The following WWC2 variants were observed in gnomAD, a reference collection of about 807,000 sequenced individuals.
The protein encoded by WWC2 is WW and C2 domain containing 2.
Under a neutral mutation model 138.5 loss-of-function variants are expected in WWC2, and 101 were observed. The observed-to-expected ratio is 0.73, with a 90% CI of 0.62 to 0.86. WWC2 has a LOEUF of 0.86. WWC2 is among the 40% of genes least tolerant of loss of function. The pLI is 0.00. For missense variants in WWC2, 1,420 were observed against 1,419.4 expected (o/e 1.00, Z -0.01); for synonymous variants, 558 against 538.4 (o/e 1.04, Z -0.50).
intron 1 of WWC2, among the ~76,000 whole-genome samples, chr4:183,192,460 T>C (rs975686131): frequency 1.3e-5 from 2 of 152,212 alleles, no homozygotes; most frequent in African/African-American, 4.8e-5. Flanking sequence ...TTTCGTGCTA[T>C]AGGAAGGTTG....
intron 1 of WWC2, among the ~76,000 whole-genome samples, chr4:183,138,872 G>A (rs760944698): frequency 3.3e-5 from 5 of 152,104 alleles, no homozygotes; most frequent in East Asian, 1.9e-4. Context: ...CTGGAAATAC[G>A]TATGTATTTT....
rs1161091291 is a variant in WWC2, at chr4:183,319,472, A to T, written c.*3743A>T. 6 of 1,351,050 alleles carry T rather than the reference A, an allele frequency of 4.4e-6. No homozygotes were observed. In the East Asian group the frequency reaches 1.2e-4, roughly 26 times the overall value. The allele number at this position is 1,351,050 out of a possible 1,614,324, so 83.7% of individuals were successfully genotyped here. ...ATGCATTTTCAAAAATCAAAAGCAC[A>T]GTGAGATGACTAGAGCGGGACATCC... On this transcript the variant is annotated 3_prime_UTR_variant, in exon 23 of 23. Transcript: ENST00000403733.
At chr4:183,109,666 C>T (rs1197455966) in intron 1 of WWC2, among the ~76,000 whole-genome samples, 2 of 152,182 alleles carry the variant, frequency 1.3e-5, no homozygotes, top group Non-Finnish European at 2.9e-5. Flanking sequence ...CATGCTTGCT[C>T]GCACCACACA....
intron 1 of WWC2, among the ~76,000 whole-genome samples, chr4:183,131,693 T>A (rs1732929962): frequency 6.6e-6 from 1 of 152,236 alleles, no homozygotes; most frequent in South Asian, 2.1e-4. Flanking sequence ...GTTAGTATAG[T>A]CAGATTTGTC....
intron 21 of WWC2, 108 bp downstream of exon 21, chr4:183,289,743 A>C (rs1028831975): frequency 7.0e-7 from 1 of 1,425,400 alleles, no homozygotes; most frequent in Non-Finnish European, 9.4e-7. Context: ...AAGTCTTTAG[A>C]TGTTTTACTA....
intron 21 of WWC2, among the ~76,000 whole-genome samples, chr4:183,292,537 T>C (rs1403672578): frequency 6.6e-6 from 1 of 151,654 alleles, no homozygotes; most frequent in Non-Finnish European, 1.5e-5. Context: ...AATTTGGACA[T>C]ACGTCTAGGA....
At chr4:183,265,182 G>C in intron 12 of WWC2, 75 bp downstream of exon 12, 6 of 1,505,442 alleles carry the variant, frequency 4.0e-6, no homozygotes, top group Middle Eastern at 2.1e-4. Flanking sequence ...TGCTGTAAAT[G>C]GACTGCTACC....
intron 1 of WWC2, among the ~76,000 whole-genome samples, chr4:183,187,502 G>T (rs1247638952): frequency 6.7e-6 from 1 of 148,918 alleles, no homozygotes; most frequent in African/African-American, 2.5e-5. Flanking sequence ...GCAATGAGCC[G>T]AGATTGTGTC....
rs1181314413 is a variant in WWC2 at position 183,248,670 on chromosome 4, C to CT, written c.733-42dup. ...TCACCTGGTAGGGAAGGTTTGCTGT[C>CT]TTACTTGTTAAGCTTTATGAAACAC... On this transcript the variant is annotated intron_variant, in intron 6 of 22. Transcript: ENST00000403733. 2.0e-6 allele frequency: 3 copies of CT among 1,522,462 alleles called. No homozygotes were observed. In the Admixed American group the frequency reaches 5.8e-5, roughly 29 times the overall value. 94.3% of individuals were successfully genotyped at this position (1,522,462 alleles called of 1,614,324 possible). A position where few individuals can be genotyped will look rare whatever the true frequency, so the allele number is the denominator to read the frequency against.
intron 2 of WWC2, among the ~76,000 whole-genome samples, chr4:183,196,018 C>T (rs1735131602): frequency 6.6e-6 from 1 of 152,118 alleles, no homozygotes. Context: ...AGTGAGTTCT[C>T]ACGAGATCTG....
chr4:183,232,674 GT>G (rs1242318809), intron 4 of WWC2, among the ~76,000 whole-genome samples: 6 of 152,080 alleles, frequency 3.9e-5, no homozygotes, highest in Non-Finnish European at 8.8e-5. Context: ...TTGAGACAGA[GT>G]TTCTCTCAGT....
chr4:183,267,663 C>T (rs1580128523), intron 14 of WWC2, among the ~76,000 whole-genome samples: 1 of 152,152 alleles, frequency 6.6e-6, no homozygotes, highest in Non-Finnish European at 1.5e-5. Flanking sequence ...AGGATGTCAC[C>T]AAGTCCCTTC....
chr4:183,101,748 A>C (rs34715490), intron 1 of WWC2, among the ~76,000 whole-genome samples: 3,544 of 152,312 alleles, frequency 0.023, 58 homozygotes, highest in Middle Eastern at 0.071. Context: ...GAGATGTTAC[A>C]CAGGCCAATA....
intron 20 of WWC2, among the ~76,000 whole-genome samples, chr4:183,288,214 T>C (rs79643924): frequency 0.018 from 2,719 of 152,100 alleles, 72 homozygotes; most frequent in African/African-American, 0.062. Flanking sequence ...GAGGACACAA[T>C]AAGAGTGATT....
At chr4:183,252,376 C>T (rs1912806) in intron 8 of WWC2, among the ~76,000 whole-genome samples, 58,683 of 151,994 alleles carry the variant, frequency 0.39, 11,561 homozygotes, top group South Asian at 0.47. Flanking sequence ...AACCATGTGC[C>T]GCTTACCTTA....
intron 1 of WWC2, among the ~76,000 whole-genome samples, chr4:183,154,188 T>C (rs1323147919): frequency 6.6e-6 from 1 of 152,180 alleles, no homozygotes. Flanking sequence ...CATTATGGAC[T>C]CTGGAGACAG....
At chr4:183,297,502 C>T (rs1026858235) in intron 21 of WWC2, among the ~76,000 whole-genome samples, 1 of 151,728 alleles carries the variant, frequency 6.6e-6, no homozygotes, top group Non-Finnish European at 1.5e-5. Flanking sequence ...CTCTACCTCG[C>T]GGGTTCAAGC....
In WWC2 at chr4:183,135,953, A is replaced by G. The variant is rs187917216; in HGVS notation, c.131+36331A>G. Among the ~76,000 whole-genome samples the G allele has an allele frequency of 4.4e-3, 659 of 151,416 alleles. 4 individuals carry two copies. The highest frequency in any genetic ancestry group is 0.016 in the African/African-American group (641 of 41,320). On this transcript the variant is annotated intron_variant, in intron 1 of 22. Coordinates refer to ENST00000403733, the MANE Select transcript of WWC2 (RefSeq NM_024949.6). ...TGTTATTCCTTTAAATGAGTTTTCT[A>G]TTCTCTTTTCTTTTCTTTTCTTTTC...
intron 10 of WWC2, among the ~76,000 whole-genome samples, chr4:183,260,181 G>A (rs1174964133): frequency 1.3e-5 from 2 of 152,032 alleles, no homozygotes; most frequent in East Asian, 3.9e-4. Flanking sequence ...AAAATAAAAA[G>A]CTTTTTTTTT....
Sources: allele counts gnomAD v4.1 joint callset (sites outside exome capture counted in the v4.1 genomes callset), GRCh38; gene constraint gnomAD v4.1.1; transcripts MANE v1.5; gene names NCBI Gene and HGNC (gene_info 2026-07-23, HGNC 2026-07-21).